Variants in TAS1R1 observed in about 807,000 individuals in gnomAD.
TAS1R1 encodes taste 1 receptor member 1, also known as taste receptor type 1 member 1.
In TAS1R1, 31 loss-of-function variants were observed where a neutral mutation model predicts 45.8. That is an observed-to-expected ratio of 0.68 (90% CI 0.51 to 0.91). The LOEUF (loss-of-function observed/expected upper bound fraction) is 0.91, where lower values mean the gene tolerates loss of function less well. TAS1R1 is among the 40% of genes least tolerant of loss of function. The pLI is 0.00. For missense variants in TAS1R1, 1,051 were observed against 1,063.9 expected (o/e 0.99, Z 0.17); for synonymous variants, 437 against 448.4 (o/e 0.97, Z 0.32).
chr1:6,578,456 C>T lies in TAS1R1; in HGVS notation c.1595-197C>T, dbSNP rs191422410. Among the ~76,000 whole-genome samples the T allele has an allele frequency of 3.0e-4, 46 of 152,150 alleles. 1 individual carries two copies. Among genetic ancestry groups the T allele is most frequent in the African/African-American group, 8.9e-4 (37 of 41,414 alleles). On this transcript the variant is annotated intron_variant, in intron 5 of 5. Transcript: ENST00000333172. The stretch of plus-strand genomic sequence containing the variant: ...AGCCATACAGAACCGACCTGTGTGT[C>T]TCCAGAGTCTGTAATTAACACAGGC...
chr1:6,559,885 G>A (rs1251893442), intron 1 of TAS1R1, among the ~76,000 whole-genome samples: 1 of 151,656 alleles, frequency 6.6e-6, no homozygotes, highest in Non-Finnish European at 1.5e-5. Context: ...AGGTACTCTG[G>A]AGGCTGAGGC....
rs760305442 is a variant in TAS1R1 at position 6,579,578 on chromosome 1, C to T, written c.2520C>T (p.Ser840=). Residue 840 remains serine (S), a synonymous_variant, in exon 6 of 6, where the codon TCC becomes TCT. Transcript: ENST00000333172. The part of the protein sequence containing the change: ...SIQDYTRRCG[S]T ...AGGACTACACGAGGCGCTGCGGCTCCACCTGACCAGTGGGTCAGCAGGCAC... is the reference window on the plus strand; with the variant it reads ...AGGACTACACGAGGCGCTGCGGCTCTACCTGACCAGTGGGTCAGCAGGCAC... 1.9e-6 allele frequency: 3 copies of T among 1,601,398 alleles called. No homozygotes were observed. Among genetic ancestry groups the T allele is most frequent in the Non-Finnish European group, 2.6e-6 (3 of 1,175,248 alleles).
chr1:6,566,575 T>C lies in TAS1R1; in HGVS notation c.192-4334T>C, dbSNP rs781669051. Among the ~76,000 whole-genome samples, 92 of 151,928 alleles carry C rather than the reference T, an allele frequency of 6.1e-4. 1 individual carries two copies. The highest frequency in any genetic ancestry group is 2.2e-4 in the Non-Finnish European group (15 of 67,944). On this transcript the variant is annotated intron_variant, in intron 1 of 5. Transcript: ENST00000333172. ...AGACCCTTTTGGTGGGTTAGAGAAA[T>C]GGGGTATTGGGGGATGTTGGGGAAT...
rs770363613 is a variant in TAS1R1 at position 6,555,866 on chromosome 1, CTTTTTT to C, written c.191+320_191+325del. On this transcript the variant is annotated intron_variant, in intron 1 of 5. Transcript: ENST00000333172. ...AAGCAAGGGCAGCTTTTTCCCTCTT[CTTTTTT>C]TTTTTTTTTTTTTTTTTGAGACGGA... 8.4e-5 allele frequency among the ~76,000 whole-genome samples: 8 copies of C among 95,336 alleles called. No homozygotes were observed. The South Asian group carries it at 1.1e-3, about 14-fold the overall frequency. The allele number at this position is 95,336 out of a possible 152,430, so 62.5% of individuals were successfully genotyped here. A position where few individuals can be genotyped will look rare whatever the true frequency, so the allele number is the denominator to read the frequency against.
In TAS1R1 at chr1:6,575,130, G is replaced by A. The variant is rs1249161038; in HGVS notation, c.998G>A (p.Gly333Asp). Residue 333 changes from glycine to aspartate, a missense_variant, in exon 3 of 6, where the codon GGC becomes GAC. Physicochemically the swap from Gly to Asp is moderately conservative, Grantham distance 94. Transcript: ENST00000333172. ...GCCATCCAGAAGAGGGCTGTCCCTG[G>A]CCTGAAGGCGTTTGAAGAAGCCTAT... ...GVAIQKRAVP[G>D]LKAFEEAYAR... 2 of 1,584,440 alleles carry A rather than the reference G, an allele frequency of 1.3e-6. No individual in the cohort carries two copies. Among genetic ancestry groups the A allele is most frequent in the South Asian group, 2.3e-5 (2 of 85,876 alleles).
rs1375838519 is a variant in TAS1R1, at chr1:6,579,391, C to A, written c.2333C>A (p.Thr778Asn). The change falls in exon 6 of 6, where the codon ACC becomes AAC. Residue 778 changes from threonine to asparagine, a missense_variant. Physicochemically the swap from Thr to Asn is moderately conservative, Grantham distance 65 (BLOSUM62 0). Coordinates refer to ENST00000333172, the MANE Select transcript of TAS1R1 (RefSeq NM_138697.4). The part of the protein sequence containing the change: ...FNFVSWIAFF[T>N]TASVYDGKYL... The stretch of plus-strand genomic sequence containing the variant: ...TTCGTGTCCTGGATCGCCTTCTTCA[C>A]CACGGCCAGCGTCTACGACGGCAAG... 6.2e-7 allele frequency: 1 copy of A among 1,613,814 alleles called. No individual in the cohort carries two copies. The highest frequency in any genetic ancestry group is 1.3e-5 in the African/African-American group (1 of 74,940).
At chr1:6,561,162 A>G (rs1639781146) in intron 1 of TAS1R1, among the ~76,000 whole-genome samples, 1 of 151,984 alleles carries the variant, frequency 6.6e-6, no homozygotes, top group East Asian at 1.9e-4. Context: ...CTAAAAGGAG[A>G]AAATGGGTTA....
At chr1:6,570,800 C>G in intron 1 of TAS1R1, 109 bp from the exon 2 acceptor site, 1 of 984,684 alleles carries the variant, frequency 1.0e-6, no homozygotes, top group Non-Finnish European at 1.5e-6. Context: ...GGGACTGGAC[C>G]GATGACCTCA....
At chr1:6,575,715 TAG>T (rs1211831286) in intron 3 of TAS1R1, among the ~76,000 whole-genome samples, 2 of 142,280 alleles carry the variant, frequency 1.4e-5, no homozygotes, top group African/African-American at 5.2e-5. Context: ...TTTTTTGAGA[TAG>T]AGTCTCGCTC....
intron 1 of TAS1R1, among the ~76,000 whole-genome samples, chr1:6,560,309 CGAGA>C (rs896822516): frequency 2.0e-5 from 3 of 152,096 alleles, no homozygotes; most frequent in Non-Finnish European, 2.9e-5. Context: ...TAAGGTTAGC[CGAGA>C]GAAAGAACAA....
chr1:6,576,683 G>C, intron 4 of TAS1R1, 56 bp downstream of exon 4: 3 of 1,589,388 alleles, frequency 1.9e-6, no homozygotes. Flanking sequence ...CCTAGAGCCT[G>C]GGGGTGATGC....
At position 6,577,834 on chromosome 1, in the gene TAS1R1, AAAAG is replaced by A. The variant is rs199692597; in HGVS notation, c.1594+779_1594+782del. Reference sequence around the variant, plus strand: ...CAAGAGAAAAACTCTGTCTCAAAAAAAAAGAAAGAAAGAAAGAATTAGCCAACTG... The same window carrying A: ...CAAGAGAAAAACTCTGTCTCAAAAAAAAAGAAAGAAAGAATTAGCCAACTG... On this transcript the variant is annotated intron_variant, in intron 5 of 5. Coordinates refer to ENST00000333172, the MANE Select transcript of TAS1R1 (RefSeq NM_138697.4). Among the ~76,000 whole-genome samples, 498 of 152,318 alleles carry A rather than the reference AAAAG, an allele frequency of 3.3e-3. 10 individuals are homozygous for A. In the East Asian group the frequency reaches 0.047, roughly 14 times the overall value.
chr1:6,578,819 G>A lies in TAS1R1; in HGVS notation c.1761G>A (p.Leu587=), dbSNP rs776463986. 3.0e-5 allele frequency: 49 copies of A among 1,613,662 alleles called. No individual in the cohort carries two copies. In the South Asian group the frequency reaches 5.3e-4, roughly 17 times the overall value. The change falls in exon 6 of 6, where the codon CTG becomes CTA. Residue 587 remains leucine, a synonymous_variant. Coordinates refer to ENST00000333172, the MANE Select transcript of TAS1R1 (RefSeq NM_138697.4). ...LLLLLLGTAG[L]FAWHLDTPVV... is the part of the protein sequence containing the mutation. ...TGCTGCTGCTTGGGACTGCTGGCCT[G>A]TTTGCCTGGCACCTAGACACCCCTG...
chr1:6,575,243 A>C lies in TAS1R1; in HGVS notation c.1111A>C (p.Met371Leu). The change falls in exon 3 of 6, where the codon ATG (methionine) becomes CTG (leucine). Residue 371 changes from methionine to leucine, a missense_variant. Transcript: ENST00000333172. ...NQLCRECQAF[M>L]AHTMPKLKAF... The stretch of plus-strand genomic sequence containing the variant: ...GCTCTGCAGAGAATGCCAAGCTTTC[A>C]TGGCACACACGATGCCCAAGCTCAA... 6.2e-7 allele frequency: 1 copy of C among 1,613,592 alleles called. No homozygotes were observed. Among genetic ancestry groups the C allele is most frequent in the Non-Finnish European group, 8.5e-7 (1 of 1,180,008 alleles).
chr1:6,567,959 C>T (rs1318925587), intron 1 of TAS1R1, among the ~76,000 whole-genome samples: 1 of 152,040 alleles, frequency 6.6e-6, no homozygotes, highest in Non-Finnish European at 1.5e-5. Flanking sequence ...GCTAGATTGA[C>T]GGATAGCCAC....
At chr1:6,558,320 G>T in intron 1 of TAS1R1, among the ~76,000 whole-genome samples, 1 of 152,238 alleles carries the variant, frequency 6.6e-6, no homozygotes, top group South Asian at 2.1e-4. Context: ...AAGATTATAG[G>T]TGTGAGCCGT....
At chr1:6,560,118 G>T (rs1406265508) in intron 1 of TAS1R1, among the ~76,000 whole-genome samples, 1 of 151,710 alleles carries the variant, frequency 6.6e-6, no homozygotes, top group Admixed American at 6.6e-5. Flanking sequence ...CCAACATGGA[G>T]AAACCCCCCT....
intron 5 of TAS1R1, among the ~76,000 whole-genome samples, chr1:6,577,875 C>T (rs1442424560): frequency 1.3e-5 from 2 of 152,172 alleles, no homozygotes; most frequent in African/African-American, 2.4e-5. Flanking sequence ...AAGCCTTAGA[C>T]TGAGGTGTGT....
chr1:6,571,298 C>G lies in TAS1R1; in HGVS notation c.498+83C>G, dbSNP rs59679399. The G allele has an allele frequency of 6.5e-4, 926 of 1,423,920 alleles. 5 individuals carry two copies. In the African/African-American group the frequency reaches 0.012, roughly 18 times the overall value. The allele number at this position is 1,423,920 out of a possible 1,614,324, so 88.2% of individuals were successfully genotyped here. On this transcript the variant is annotated intron_variant, in intron 2 of 5. Transcript: ENST00000333172. ...ATGTGGGCAAGAGCTGCTGTCCCCC[C>G]CAAGGCTGCCTGCCCCCTGGATCTC...
Sources: gnomAD v4.1 joint callset for allele counts (sites outside exome capture counted in the v4.1 genomes callset) on GRCh38, gnomAD v4.1.1 for gene constraint, MANE v1.5 for transcripts, NCBI Gene and HGNC (gene_info 2026-07-23, HGNC 2026-07-21) for gene names.